PRKCE: variants seen among roughly 807,000 people sequenced by gnomAD.
The protein encoded by PRKCE is protein kinase C epsilon type.
Under a neutral mutation model 85.4 loss-of-function variants are expected in PRKCE, and 16 were observed. The ratio of observed to expected loss-of-function variants is 0.19; its 90% CI spans 0.13 to 0.28. The LOEUF is 0.28. Ranked by LOEUF, PRKCE falls within the 10% of genes least tolerant of loss-of-function variation. The probability of loss-of-function intolerance (pLI) is 1.00; values close to 1 mark genes in which losing one functional copy is unlikely to be tolerated. For missense variants in PRKCE, 573 were observed against 975.2 expected (o/e 0.59, Z 5.49); for synonymous variants, 388 against 371.5 (o/e 1.04, Z -0.51).
chr2:45,933,678 A>G (rs1482587884), intron 2 of PRKCE, among the ~76,000 whole-genome samples: 2 of 151,820 alleles, frequency 1.3e-5, no homozygotes, highest in East Asian at 1.9e-4. Context: ...GGGTTTCACC[A>G]TATTAGCCAG....
intron 2 of PRKCE, among the ~76,000 whole-genome samples, chr2:45,859,584 ATG>A (rs777512409): frequency 3.9e-5 from 6 of 152,090 alleles, no homozygotes; most frequent in Non-Finnish European, 7.4e-5. Flanking sequence ...GAATCTTTTT[ATG>A]TGTTTTTGAC....
chr2:46,090,552 C>T lies in PRKCE; in HGVS notation c.1592+4190C>T, dbSNP rs12618237. Among the ~76,000 whole-genome samples the T allele has an allele frequency of 3.8e-4, 58 of 152,316 alleles. No individual in the cohort carries two copies. In the East Asian group the frequency reaches 0.011, roughly 28 times the overall value. On this transcript the variant is annotated intron_variant, in intron 11 of 14. Transcript: ENST00000306156. ...ATATTTGTTCTTCTAGTCTCTCCTG[C>T]CCCAGAGTCTTCTAATCCAGTGGAT...
At chr2:45,719,829 G>T (rs963006473) in intron 1 of PRKCE, among the ~76,000 whole-genome samples, 1 of 152,166 alleles carries the variant, frequency 6.6e-6, no homozygotes, top group African/African-American at 2.4e-5. Context: ...GGAGGCCAAG[G>T]CAGGAGGATC....
chr2:45,865,648 G>C (rs1462087168), intron 2 of PRKCE, among the ~76,000 whole-genome samples: 6 of 152,238 alleles, frequency 3.9e-5, no homozygotes, highest in Non-Finnish European at 7.4e-5. Flanking sequence ...TCAGCATTCA[G>C]CCTGCTTGCC....
intron 1 of PRKCE, among the ~76,000 whole-genome samples, chr2:45,760,229 C>T (rs779934608): frequency 6.6e-6 from 1 of 152,164 alleles, no homozygotes; most frequent in Non-Finnish European, 1.5e-5. Flanking sequence ...TTCCTGCAAA[C>T]CACCTTATCC....
chr2:45,744,846 T>A (rs962728377), intron 1 of PRKCE, among the ~76,000 whole-genome samples: 1 of 152,184 alleles, frequency 6.6e-6, no homozygotes, highest in Non-Finnish European at 1.5e-5. Flanking sequence ...TGGCCTCAAG[T>A]GATCCACCTG....
intron 2 of PRKCE, among the ~76,000 whole-genome samples, chr2:45,910,866 G>A (rs990785898): frequency 1.6e-4 from 25 of 152,322 alleles, no homozygotes; most frequent in Non-Finnish European, 1.6e-4. Flanking sequence ...CGCTGGTCCT[G>A]CTGTGCAGCA....
intron 1 of PRKCE, among the ~76,000 whole-genome samples, chr2:45,662,513 A>T (rs1452724458): frequency 2.6e-5 from 4 of 152,170 alleles, no homozygotes; most frequent in African/African-American, 9.7e-5. Context: ...CTGTGAAATC[A>T]GGAGTTAGGA....
intron 11 of PRKCE, among the ~76,000 whole-genome samples, chr2:46,090,754 C>CTCTGTGAAGGGT (rs1670091197): frequency 6.6e-6 from 1 of 152,026 alleles, no homozygotes; most frequent in East Asian, 1.9e-4. Context: ...CTGCAAAAGG[C>CTCTGTGAAGGGT]TCTGTGGGGA....
chr2:46,071,673 G>A (rs1335833666), intron 10 of PRKCE, among the ~76,000 whole-genome samples: 1 of 152,170 alleles, frequency 6.6e-6, no homozygotes, highest in African/African-American at 2.4e-5. Flanking sequence ...ATCATGAACT[G>A]TTTCAGTTAG....
At chr2:45,693,125 A>G (rs1040969101) in intron 1 of PRKCE, among the ~76,000 whole-genome samples, 1 of 151,996 alleles carries the variant, frequency 6.6e-6, no homozygotes, top group African/African-American at 2.4e-5. Context: ...TAGGGGAGTG[A>G]AGTAGGTGGG....
Position 45,810,843 on chromosome 2 carries a change from G to C in PRKCE, c.349-32157G>C, listed in dbSNP as rs552533905. ...CACATTCGTATTATTAACAGTATTT[G>C]TTCACTCACAGAATGATAAAATGGC... On this transcript the variant is annotated intron_variant, in intron 1 of 14. Coordinates refer to ENST00000306156, the MANE Select transcript of PRKCE (RefSeq NM_005400.3). Among the ~76,000 whole-genome samples, 687 of 152,294 alleles carry C rather than the reference G, an allele frequency of 4.5e-3. 2 individuals are homozygous for C. The highest frequency in any genetic ancestry group is 6.9e-3 in the Non-Finnish European group (466 of 68,012).
At chr2:46,066,319 G>A (rs1667623489) in intron 10 of PRKCE, among the ~76,000 whole-genome samples, 1 of 152,164 alleles carries the variant, frequency 6.6e-6, no homozygotes, top group South Asian at 2.1e-4. Flanking sequence ...TTGAAGTAAT[G>A]AGTCACCTAC....
At position 46,185,217 on chromosome 2, in the gene PRKCE, G is replaced by A; in HGVS notation, c.*336G>A. On this transcript the variant is annotated 3_prime_UTR_variant, in exon 15 of 15. Coordinates refer to ENST00000306156, the MANE Select transcript of PRKCE (RefSeq NM_005400.3). The surrounding 1 kb of genome is among the most constrained non-coding windows in gnomAD (Gnocchi z 4.7). ...GCAACTTCAGTTCTTTTACTGCAAA[G>A]AACAGAAAAAAGAAAGAAAGCAAAC... The A allele has an allele frequency of 4.2e-6, 1 of 236,636 alleles. No homozygotes were observed. Among genetic ancestry groups the A allele is most frequent in the African/African-American group, 2.3e-5 (1 of 44,004 alleles). 14.7% of individuals were successfully genotyped at this position (236,636 alleles called of 1,614,324 possible).
In PRKCE at chr2:46,004,773, G is replaced by A. The variant is rs1012665703; in HGVS notation, c.1063+135G>A. 1.7e-5 allele frequency: 12 copies of A among 702,862 alleles called. No homozygotes were observed. Among genetic ancestry groups the A allele is most frequent in the African/African-American group, 7.1e-5 (4 of 56,108 alleles). The allele number at this position is 702,862 out of a possible 1,614,324, so 43.5% of individuals were successfully genotyped here. A position where few individuals can be genotyped will look rare whatever the true frequency, so the allele number is the denominator to read the frequency against. On this transcript the variant is annotated intron_variant, in intron 8 of 14. Transcript: ENST00000306156. This position sits in a 1 kb window ranked among gnomAD's most constrained non-coding sequence, Gnocchi z 4.1. The stretch of plus-strand genomic sequence containing the variant: ...AGCCCTGGTGGGTTTTCACACACCC[G>A]TTGCCTGTTGATTTAACAGTTCTTT...
At chr2:45,797,812 A>T (rs2105152951) in intron 1 of PRKCE, among the ~76,000 whole-genome samples, 1 of 152,336 alleles carries the variant, frequency 6.6e-6, no homozygotes, top group Admixed American at 6.5e-5. Flanking sequence ...CAGCATAGGT[A>T]CTGCTATTCT....
intron 6 of PRKCE, among the ~76,000 whole-genome samples, chr2:45,992,452 C>G (rs573330885): frequency 6.6e-6 from 1 of 152,300 alleles, no homozygotes; most frequent in Non-Finnish European, 1.5e-5. Context: ...CCTCCTTTCT[C>G]CTCATTCTGC....
At chr2:45,665,467 C>A (rs1288865516) in intron 1 of PRKCE, among the ~76,000 whole-genome samples, 1 of 152,176 alleles carries the variant, frequency 6.6e-6, no homozygotes, top group South Asian at 2.1e-4. Flanking sequence ...AATGTTTGGG[C>A]ATTTAAGTAA....
At chr2:45,987,210 G>C (rs568646730) in intron 6 of PRKCE, among the ~76,000 whole-genome samples, 1 of 152,150 alleles carries the variant, frequency 6.6e-6, no homozygotes, top group African/African-American at 2.4e-5. Context: ...TTCAGCTCTT[G>C]TTGGGCAGGA....
Sources: allele counts gnomAD v4.1 joint callset (sites outside exome capture counted in the v4.1 genomes callset), GRCh38; gene constraint gnomAD v4.1.1; non-coding constraint Gnocchi (gnomAD v3.1); transcripts MANE v1.5; gene names NCBI Gene and HGNC (gene_info 2026-07-23, HGNC 2026-07-21).